The following KMT2E variants were observed in gnomAD, a reference collection of about 807,000 sequenced individuals.
The protein encoded by KMT2E is histone reader KMT2E.
In KMT2E, 30 loss-of-function variants were observed where a neutral mutation model predicts 184.6. The ratio of observed to expected loss-of-function variants is 0.16; its 90% CI spans 0.12 to 0.22. The LOEUF is 0.22. KMT2E is among the 10% of genes least tolerant of loss of function. The pLI is 1.00. For missense variants in KMT2E, 2,023 were observed against 2,237.4 expected, an observed-to-expected ratio of 0.90 and a Z score of 1.93; for synonymous variants, 815 against 776.5, an observed-to-expected ratio of 1.05 and a Z score of -0.82.
chr7:105,051,866 G>A (rs1796363662), intron 3 of KMT2E, among the ~76,000 whole-genome samples: 1 of 152,156 alleles, frequency 6.6e-6, no homozygotes, highest in Non-Finnish European at 1.5e-5. Flanking sequence ...TGGGATTATA[G>A]GCATGAACCG....
intron 1 of KMT2E, among the ~76,000 whole-genome samples, chr7:105,015,971 TA>T (rs903608623): frequency 9.9e-5 from 15 of 151,502 alleles, no homozygotes; most frequent in East Asian, 3.9e-4. Context: ...GCTTCAACAT[TA>T]AAAAAAAATT....
At chr7:105,026,122 A>ATG (rs1218665784) in intron 1 of KMT2E, among the ~76,000 whole-genome samples, 1 of 152,204 alleles carries the variant, frequency 6.6e-6, no homozygotes, top group Non-Finnish European at 1.5e-5. Context: ...ATAATTCTCC[A>ATG]TGTTAACTTT....
At chr7:105,031,272 G>A (rs529747093) in intron 1 of KMT2E, among the ~76,000 whole-genome samples, 1 of 149,426 alleles carries the variant, frequency 6.7e-6, no homozygotes, top group South Asian at 2.1e-4. Context: ...CAGGACAATC[G>A]CTTGATCCTG....
In KMT2E at chr7:105,113,131, G is replaced by A. The variant is rs1562939264; in HGVS notation, c.5375G>A (p.Gly1792Asp). 2 of 1,614,154 alleles carry A rather than the reference G, an allele frequency of 1.2e-6. No individual in the cohort carries two copies. The highest frequency in any genetic ancestry group is 8.5e-7 in the Non-Finnish European group (1 of 1,180,036). The change falls in exon 27 of 27, where the codon GGT becomes GAT. Residue 1792 changes from glycine to aspartate, a missense_variant. Physicochemically the swap from Gly to Asp is moderately conservative, Grantham distance 94. This residue lies in a region of KMT2E where 1,108 missense variants were observed against 1,050.9 expected (regional missense o/e 1.05). Coordinates refer to ENST00000311117, the MANE Select transcript of KMT2E (RefSeq NM_182931.3). ...CCACATTGTCCATTACCTGTCACAG[G>A]TCCTCATCTCCAGCCCCAAGGACCA... is the stretch of plus-strand genomic sequence containing the variant. ...TGPHCPLPVT[G>D]PHLQPQGPNS...
chr7:105,029,276 A>G lies in KMT2E; in HGVS notation c.-188-8850A>G, dbSNP rs144200995. 2.7e-3 allele frequency among the ~76,000 whole-genome samples: 411 copies of G among 152,278 alleles called. 1 individual carries two copies. The highest frequency in any genetic ancestry group is 9.1e-3 in the African/African-American group (380 of 41,552). ...TTGAAGGTACCCTTGATTATATTGG[A>G]TTGCCATAGGTCATTTCAGGTGTCA... is the stretch of plus-strand genomic sequence containing the variant. On this transcript the variant is annotated intron_variant, in intron 1 of 26. Coordinates refer to ENST00000311117, the MANE Select transcript of KMT2E (RefSeq NM_182931.3).
rs916050219 is a variant in KMT2E, at chr7:105,105,881, A to C, written c.2474A>C (p.Glu825Ala). 1.1e-5 allele frequency: 18 copies of C among 1,612,772 alleles called. No homozygotes were observed. In the African/African-American group the frequency reaches 2.4e-4, roughly 22 times the overall value. ...CAGCGATGGTTGAAACAAGCTCTGGAAGAAGAAAATTCAGCAATTTTACAT... is the reference window on the plus strand; with the variant it reads ...CAGCGATGGTTGAAACAAGCTCTGGCAGAAGAAAATTCAGCAATTTTACAT... ...CKKRWLKQAL[E>A]EENSAILHRF... Residue 825 changes from glutamate (E) to alanine (A), a missense_variant, in exon 19 of 27, where the codon GAA (glutamate) becomes GCA (alanine). Glu to Ala is a moderately radical substitution (Grantham distance 107, BLOSUM62 -1). This residue lies in a region of KMT2E where 514 missense variants were observed against 621.8 expected (regional missense o/e 0.83). Coordinates refer to ENST00000311117, the MANE Select transcript of KMT2E (RefSeq NM_182931.3).
rs1214599186 is a variant in KMT2E at position 105,074,677 on chromosome 7, G to A, written c.591G>A (p.Glu197=). ...GDTSATESGD[E]VPVELYTAFQ... ...CCAGTGCAACTGAGAGTGGTGATGA[G>A]GTTCCTGTGGAATTATATACTGCAT... Residue 197 remains glutamate, a synonymous_variant, in exon 8 of 27, where the codon GAG becomes GAA. Coordinates refer to ENST00000311117, the MANE Select transcript of KMT2E (RefSeq NM_182931.3). 6.3e-7 allele frequency: 1 copy of A among 1,579,340 alleles called. No individual in the cohort carries two copies. The highest frequency in any genetic ancestry group is 1.2e-5 in the South Asian group (1 of 85,358).
At chr7:105,040,722 G>C in intron 2 of KMT2E, 117 bp from the exon 3 acceptor site, 1 of 337,992 alleles carries the variant, frequency 3.0e-6, no homozygotes, top group Non-Finnish European at 5.3e-6. Context: ...TAATGAGAGA[G>C]ACTCTAAGCA....
At chr7:105,102,237 C>A in intron 17 of KMT2E, 43 bp downstream of exon 17, 1 of 1,493,586 alleles carries the variant, frequency 6.7e-7, no homozygotes, top group Non-Finnish European at 9.0e-7. Flanking sequence ...CTAACAGTTT[C>A]TTATATTAAT....
chr7:105,030,396 GA>G (rs557639139), intron 1 of KMT2E, among the ~76,000 whole-genome samples: 43 of 152,294 alleles, frequency 2.8e-4, no homozygotes, highest in African/African-American at 9.4e-4. Context: ...TAGTGAATTT[GA>G]AGAGGAATGA....
intron 16 of KMT2E, 93 bp downstream of exon 16, chr7:105,101,682 G>T: frequency 1.8e-6 from 2 of 1,130,740 alleles, no homozygotes; most frequent in Non-Finnish European, 1.2e-6. Context: ...TTAAAATAAT[G>T]TCTATTAGCT....
At chr7:105,103,511 C>T (rs1798746816) in intron 17 of KMT2E, 1 of 152,058 alleles carries the variant, frequency 6.6e-6, no homozygotes, top group Non-Finnish European at 1.5e-5. Flanking sequence ...CTATCACAAC[C>T]CTTCTTTTAC....
intron 1 of KMT2E, among the ~76,000 whole-genome samples, chr7:105,029,676 C>T (rs139773557): frequency 1.4e-3 from 216 of 151,666 alleles, no homozygotes; most frequent in Middle Eastern, 6.8e-3. Flanking sequence ...AAGAGAATGG[C>T]GATACTGATA....
chr7:105,114,002 T>TTTTTA lies in KMT2E; in HGVS notation c.*675_*679dup, dbSNP rs1353532882. The stretch of plus-strand genomic sequence containing the variant: ...GTACAGTATATGACCTTTAATTTCT[T>TTTTTA]TTTTATTTTAAATATACTGTCACAC... On this transcript the variant is annotated 3_prime_UTR_variant, in exon 27 of 27. Coordinates refer to ENST00000311117, the MANE Select transcript of KMT2E (RefSeq NM_182931.3). The TTTTTA allele has an allele frequency of 6.5e-6, 1 of 152,726 alleles. No homozygotes were observed. The highest frequency in any genetic ancestry group is 1.5e-5 in the Non-Finnish European group (1 of 68,112). 9.5% of individuals were successfully genotyped at this position (152,726 alleles called of 1,614,324 possible).
At chr7:105,045,450 T>C (rs973421513) in intron 3 of KMT2E, among the ~76,000 whole-genome samples, 3 of 152,208 alleles carry the variant, frequency 2.0e-5, no homozygotes, top group Non-Finnish European at 2.9e-5. Flanking sequence ...AATAACTCCT[T>C]CTTTCCCCTT....
chr7:105,076,821 ACAG>A (rs750351418), intron 9 of KMT2E, 139 bp from the exon 10 acceptor site: 1 of 649,564 alleles, frequency 1.5e-6, no homozygotes. Flanking sequence ...AAACCGTTAA[ACAG>A]CAGTTTCTAG....
At chr7:105,036,188 T>C (rs1251883469) in intron 1 of KMT2E, among the ~76,000 whole-genome samples, 1 of 142,984 alleles carries the variant, frequency 7.0e-6, no homozygotes, top group Non-Finnish European at 1.5e-5. Flanking sequence ...TTTTTTTTTG[T>C]TTTTTTTTTT....
intron 5 of KMT2E, chr7:105,063,781 T>G (rs1796915715): frequency 1.8e-6 from 1 of 557,566 alleles, no homozygotes; most frequent in African/African-American, 1.9e-5. Context: ...AACTGAGTAA[T>G]AGACAGTCAG....
intron 13 of KMT2E, among the ~76,000 whole-genome samples, chr7:105,082,547 C>G (rs1276457279): frequency 6.6e-6 from 1 of 151,926 alleles, no homozygotes; most frequent in Non-Finnish European, 1.5e-5. Flanking sequence ...AGTGGATTAT[C>G]GTAAAGGTCT....
Sources: gnomAD v4.1 joint callset for allele counts (sites outside exome capture counted in the v4.1 genomes callset) on GRCh38, gnomAD v4.1.1 for gene constraint, gnomAD v4.1.1 regional missense constraint, MANE v1.5 for transcripts, NCBI Gene and HGNC (gene_info 2026-07-23, HGNC 2026-07-21) for gene names.